Variants in PCDHGB7 observed in about 807,000 individuals in gnomAD.
PCDHGB7 encodes protocadherin gamma subfamily B, 7.
In PCDHGB7, 37 loss-of-function variants were observed where a neutral mutation model predicts 61.4. That is an observed-to-expected ratio of 0.60 (90% CI 0.46 to 0.79). The LOEUF (loss-of-function observed/expected upper bound fraction) is 0.79. PCDHGB7 is among the 30% of genes least tolerant of loss of function. The pLI is 0.00. For missense variants in PCDHGB7, 1,166 were observed against 1,202.5 expected, an observed-to-expected ratio of 0.97 and a Z score of 0.45; for synonymous variants, 464 against 503.5, an observed-to-expected ratio of 0.92 and a Z score of 1.05.
At chr5:141,442,358 A>C (rs2098318223) in intron 1 of PCDHGB7, 1 of 152,304 alleles carries the variant, frequency 6.6e-6, no homozygotes, top group African/African-American at 2.4e-5. Context: ...CTGTAGCTCT[A>C]TGATGCCATA....
chr5:141,474,321 A>G (rs75620387), intron 1 of PCDHGB7, among the ~76,000 whole-genome samples: 2,046 of 152,326 alleles, frequency 0.013, 15 homozygotes, highest in Middle Eastern at 0.034. Context: ...GTGTTTTCAA[A>G]TCACCCTGAT....
Position 141,419,816 on chromosome 5 carries a change from C to A in PCDHGB7, c.1957C>A (p.Pro653Thr), listed in dbSNP as rs910172118. 7.4e-6 allele frequency: 12 copies of A among 1,613,940 alleles called. No individual in the cohort carries two copies. The highest frequency in any genetic ancestry group is 1.0e-5 in the Non-Finnish European group (12 of 1,179,886). Residue 653 changes from proline to threonine, a missense_variant, in exon 1 of 4, where the codon CCC (proline) becomes ACC (threonine). Coordinates refer to ENST00000398594, the MANE Select transcript of PCDHGB7 (RefSeq NM_018927.4). The stretch of plus-strand genomic sequence containing the variant: ...CGCTGTAAGAGATGGAGGACAGCCA[C>A]CCCTTTCAGCCACTGCCACGCTGCA... ...LVAVRDGGQP[P>T]LSATATLHLV...
chr5:141,447,360 A>G (rs1471046883), intron 1 of PCDHGB7, among the ~76,000 whole-genome samples: 1 of 151,914 alleles, frequency 6.6e-6, no homozygotes, highest in Non-Finnish European at 1.5e-5. Context: ...GCTGGTCTCA[A>G]ACTCCTGACC....
At chr5:141,438,589 TAC>T (rs72335471) in intron 1 of PCDHGB7, among the ~76,000 whole-genome samples, 19,881 of 66,350 alleles carry the variant, frequency 0.3, 2,903 homozygotes, top group Admixed American at 0.41. Context: ...CATACATACA[TAC>T]ATATATATAT....
At chr5:141,475,512 C>A (rs2099364350) in intron 1 of PCDHGB7, among the ~76,000 whole-genome samples, 2 of 152,326 alleles carry the variant, frequency 1.3e-5, no homozygotes, top group South Asian at 4.1e-4. Context: ...AATGTCTCCA[C>A]GGAAATGCTA....
Position 141,420,255 on chromosome 5 carries a change from A to T in PCDHGB7, c.2396A>T (p.Asp799Val), listed in dbSNP as rs917458059. The T allele has an allele frequency of 2.5e-6, 4 of 1,569,630 alleles. No homozygotes were observed. The highest frequency in any genetic ancestry group is 1.4e-5 in the African/African-American group (1 of 73,152). Residue 799 changes from aspartate to valine, a missense_variant, in exon 1 of 4, where the codon GAT becomes GTT. Coordinates refer to ENST00000398594, the MANE Select transcript of PCDHGB7 (RefSeq NM_018927.4). ...ATTTTAACTCCCAGCGTTGAAGCAG[A>T]TAAGAAGATTCTTAAACAGGTAAGT... ...ASILTPSVEA[D>V]KKILKQQAPP...
In PCDHGB7 at chr5:141,476,245, G is replaced by C; in HGVS notation, c.2416-18562G>C. 3.1e-6 allele frequency: 5 copies of C among 1,614,086 alleles called. No homozygotes were observed. The highest frequency in any genetic ancestry group is 3.4e-6 in the Non-Finnish European group (4 of 1,180,026). On this transcript the variant is annotated intron_variant, in intron 1 of 3. Transcript: ENST00000398594. This position sits in a 1 kb window ranked among gnomAD's most constrained non-coding sequence, Gnocchi z 7.6. The stretch of plus-strand genomic sequence containing the variant: ...ATGAGATCCCGGAGGAAAGAGAGAA[G>C]GGTTTCGCTGTGGGCAACGTGGTCG...
At chr5:141,437,983 A>C (rs544812394) in intron 1 of PCDHGB7, among the ~76,000 whole-genome samples, 1 of 152,056 alleles carries the variant, frequency 6.6e-6, no homozygotes, top group Admixed American at 6.5e-5. Context: ...GGATGCACCC[A>C]CCCCACCTCA....
At chr5:141,459,136 T>C (rs1044347522) in intron 1 of PCDHGB7, among the ~76,000 whole-genome samples, 2 of 152,224 alleles carry the variant, frequency 1.3e-5, no homozygotes, top group Non-Finnish European at 2.9e-5. Context: ...GTAACCACCA[T>C]GCAATCAAAA....
chr5:141,475,914 A>C (rs2099380300), intron 1 of PCDHGB7: 1 of 592,260 alleles, frequency 1.7e-6, no homozygotes, highest in African/African-American at 1.9e-5. Context: ...GCCAATGAAG[A>C]CGCTGGAGAT....
At position 141,509,907 on chromosome 5, in the gene PCDHGB7, C is replaced by G. The variant is rs149338646; in HGVS notation, c.2564-1040C>G. Among the ~76,000 whole-genome samples, 567 of 152,300 alleles carry G rather than the reference C, an allele frequency of 3.7e-3. 5 individuals carry two copies. Among genetic ancestry groups the G allele is most frequent in the Admixed American group, 0.011 (163 of 15,296 alleles). ...GTGACTGACTGTCCCTTCCAGCATGCGCTTAGGTACACTTGGGCCTGAATG... is the reference window on the plus strand; with the variant it reads ...GTGACTGACTGTCCCTTCCAGCATGGGCTTAGGTACACTTGGGCCTGAATG... On this transcript the variant is annotated intron_variant, in intron 3 of 3. Coordinates refer to ENST00000398594, the MANE Select transcript of PCDHGB7 (RefSeq NM_018927.4).
Position 141,510,974 on chromosome 5 carries a change from G to T in PCDHGB7, c.2591G>T (p.Gly864Val). The T allele has an allele frequency of 6.2e-7, 1 of 1,614,150 alleles. No homozygotes were observed. The highest frequency in any genetic ancestry group is 1.1e-5 in the South Asian group (1 of 91,088). ...SEAADGSSTL[G>V]GGAGTMGLSA... ...GCTGCTGATGGGAGCTCCACCCTGG[G>T]AGGGGGTGCCGGCACCATGGGATTG... is the stretch of plus-strand genomic sequence containing the variant. The change falls in exon 4 of 4, where the codon GGA becomes GTA. Residue 864 changes from glycine (G) to valine (V), a missense_variant. Physicochemically the swap from Gly to Val is moderately radical, Grantham distance 109. Transcript: ENST00000398594.
At position 141,493,202 on chromosome 5, in the gene PCDHGB7, A is replaced by G. The variant is rs1246390819; in HGVS notation, c.2416-1605A>G. Among the ~76,000 whole-genome samples, 1 of 152,196 alleles carries G rather than the reference A, an allele frequency of 6.6e-6. No individual in the cohort carries two copies. ...ACTATATAACTCCTTTGAGAACCTC[A>G]TCTCATTTGCTCTTCCCACCATTGC... On this transcript the variant is annotated intron_variant, in intron 1 of 3. Transcript: ENST00000398594. The surrounding 1 kb of genome is among the most constrained non-coding windows in gnomAD (Gnocchi z 4.3).
chr5:141,484,883 G>GCC (rs1231530221), intron 1 of PCDHGB7: 2 of 352,506 alleles, frequency 5.7e-6, no homozygotes, highest in Admixed American at 9.0e-5. Flanking sequence ...GATAGGGTGG[G>GCC]CTTTTTCCCC....
At chr5:141,457,330 A>G (rs2098916985) in intron 1 of PCDHGB7, among the ~76,000 whole-genome samples, 1 of 152,174 alleles carries the variant, frequency 6.6e-6, no homozygotes, top group Non-Finnish European at 1.5e-5. Flanking sequence ...GGTTACAGGT[A>G]CCTTACTTAC....
At chr5:141,497,464 T>C (rs1277760390) in intron 2 of PCDHGB7, among the ~76,000 whole-genome samples, 1 of 151,764 alleles carries the variant, frequency 6.6e-6, no homozygotes, top group Admixed American at 6.6e-5. Context: ...CTTGGAGATA[T>C]GGAGGAGAAG....
At chr5:141,494,183 G>A (rs971032835) in intron 1 of PCDHGB7, among the ~76,000 whole-genome samples, 2 of 152,146 alleles carry the variant, frequency 1.3e-5, no homozygotes, top group Non-Finnish European at 2.9e-5. Context: ...GAAGTGTCCC[G>A]GGACTTGGAT....
chr5:141,477,482 C>G lies in PCDHGB7; in HGVS notation c.2416-17325C>G, dbSNP rs1168724444. On this transcript the variant is annotated intron_variant, in intron 1 of 3. Transcript: ENST00000398594. This position sits in a 1 kb window ranked among gnomAD's most constrained non-coding sequence, Gnocchi z 4.9. ...GTCCGACATCAATGACAACCCTCCA[C>G]AATCTTCTCAATCTTCCTACGACGT... 1 of 1,614,118 alleles carries G rather than the reference C, an allele frequency of 6.2e-7. No individual in the cohort carries two copies. The highest frequency in any genetic ancestry group is 1.1e-5 in the South Asian group (1 of 91,074).
rs553462245 is a variant in PCDHGB7 at position 141,511,198 on chromosome 5, A to T, written c.*25A>T. Reference sequence around the variant, plus strand: ...ACATGGAGGCCAGGCCAAGAGCCACAGGGCGGCCTCTCCCCAACCAGCCCA... The same window carrying T: ...ACATGGAGGCCAGGCCAAGAGCCACTGGGCGGCCTCTCCCCAACCAGCCCA... On this transcript the variant is annotated 3_prime_UTR_variant, in exon 4 of 4. Transcript: ENST00000398594. The T allele has an allele frequency of 2.7e-5, 43 of 1,612,954 alleles. 1 individual carries two copies. The South Asian group carries it at 4.5e-4, about 17-fold the overall frequency.
Sources: allele counts gnomAD v4.1 joint callset (sites outside exome capture counted in the v4.1 genomes callset), GRCh38; gene constraint gnomAD v4.1.1; non-coding constraint Gnocchi (gnomAD v3.1); transcripts MANE v1.5; gene names NCBI Gene and HGNC (gene_info 2026-07-23, HGNC 2026-07-21).